Variants in ASTN2 observed in about 807,000 individuals in gnomAD.
The protein encoded by ASTN2 is astrotactin-2.
In ASTN2, 54 loss-of-function variants were observed where a neutral mutation model predicts 139.8. That is an observed-to-expected ratio of 0.39 (90% CI 0.31 to 0.48). The LOEUF (loss-of-function observed/expected upper bound fraction) is 0.48. ASTN2 is among the 20% of genes least tolerant of loss of function. The pLI is 0.95. For synonymous variants in ASTN2, 756 were observed against 719.5 expected (o/e 1.05, Z -0.81); for missense variants, 1,565 against 1,725.1 (o/e 0.91, Z 1.64).
At chr9:117,182,960 C>T (rs7848894) in intron 3 of ASTN2, among the ~76,000 whole-genome samples, 151,649 of 152,310 alleles carry the variant, frequency 1, 75,500 homozygotes, top group Middle Eastern at 1. Flanking sequence ...AAAAATAAAA[C>T]AGAACTTTTA....
intron 1 of ASTN2, among the ~76,000 whole-genome samples, chr9:117,321,300 C>A (rs1828315392): frequency 1.3e-5 from 2 of 152,182 alleles, no homozygotes; most frequent in African/African-American, 2.4e-5. Context: ...AGATACTCAA[C>A]AAAATATTTT....
At chr9:116,755,900 T>G (rs1829519738) in intron 13 of ASTN2, among the ~76,000 whole-genome samples, 1 of 152,212 alleles carries the variant, frequency 6.6e-6, no homozygotes, top group East Asian at 1.9e-4. Flanking sequence ...CAAGGAATGC[T>G]GACAGCTGAG....
intron 20 of ASTN2, among the ~76,000 whole-genome samples, chr9:116,450,510 C>G (rs1848141729): frequency 6.6e-6 from 1 of 152,160 alleles, no homozygotes; most frequent in Non-Finnish European, 1.5e-5. Context: ...CGTTGAAGAC[C>G]TAGACTCCAG....
chr9:116,999,085 T>TGAATGTAATGGTGAACATGACTG (rs1837106668), intron 7 of ASTN2, among the ~76,000 whole-genome samples: 1 of 152,192 alleles, frequency 6.6e-6, no homozygotes. Flanking sequence ...GGAAATAAAC[T>TGAATGTAATGGTGAACATGACTG]GAATGTAATG....
At chr9:116,620,561 C>T (rs143502681) in intron 17 of ASTN2, 118 bp from the exon 18 acceptor site, 22 of 1,271,520 alleles carry the variant, frequency 1.7e-5, no homozygotes, top group Middle Eastern at 1.9e-4. Flanking sequence ...CCTTTAAGCA[C>T]AAGACACCAT....
intron 10 of ASTN2, among the ~76,000 whole-genome samples, chr9:116,897,716 TA>T (rs567239848): frequency 0.017 from 2,445 of 144,240 alleles, 20 homozygotes; most frequent in Non-Finnish European, 0.02. Context: ...TTGCTGAGAG[TA>T]AAAAAAAAAA....
Position 117,067,409 on chromosome 9 carries a change from G to A in ASTN2, c.1277-27444C>T, listed in dbSNP as rs879938407. On this transcript the variant is annotated intron_variant, in intron 5 of 22. Transcript: ENST00000313400. ...GTACCATGCTGTTTTGGTTACTGTA[G>A]CCTTGTAGTATAGTTTGAAGTCAGG... Among the ~76,000 whole-genome samples, 871 of 118,848 alleles carry A rather than the reference G, an allele frequency of 7.3e-3. 5 individuals carry two copies. Among genetic ancestry groups the A allele is most frequent in the African/African-American group, 0.013 (436 of 34,310 alleles). 78.0% of individuals were successfully genotyped at this position (118,848 alleles called of 152,430 possible).
chr9:117,004,038 A>T (rs1022090329), intron 7 of ASTN2, among the ~76,000 whole-genome samples: 6 of 151,934 alleles, frequency 3.9e-5, no homozygotes, highest in African/African-American at 1.4e-4. Flanking sequence ...TCTTGATTAA[A>T]AAAAAGAAGC....
intron 5 of ASTN2, among the ~76,000 whole-genome samples, chr9:117,053,104 A>C (rs1838960302): frequency 6.6e-6 from 1 of 152,236 alleles, no homozygotes; most frequent in South Asian, 2.1e-4. Flanking sequence ...ACCAAGCCTC[A>C]AAACCTAGGC....
chr9:117,106,146 C>T (rs1480724505), intron 4 of ASTN2, among the ~76,000 whole-genome samples: 2 of 152,178 alleles, frequency 1.3e-5, no homozygotes, highest in Non-Finnish European at 2.9e-5. Flanking sequence ...TGTTAGCTTC[C>T]CTTTATGATG....
At chr9:116,871,408 T>A (rs186481034) in intron 10 of ASTN2, among the ~76,000 whole-genome samples, 1 of 152,230 alleles carries the variant, frequency 6.6e-6, no homozygotes, top group African/African-American at 2.4e-5. Context: ...AAGTGATCAA[T>A]ATTTAAATAT....
At chr9:116,687,186 C>T (rs1470846128) in intron 16 of ASTN2, 5 of 1,042,826 alleles carry the variant, frequency 4.8e-6, no homozygotes, top group African/African-American at 1.7e-5. Flanking sequence ...AAGCTCACCC[C>T]TGCAGGGCCG....
At chr9:117,284,098 G>A (rs1834390011) in intron 2 of ASTN2, among the ~76,000 whole-genome samples, 1 of 152,084 alleles carries the variant, frequency 6.6e-6, no homozygotes, top group African/African-American at 2.4e-5. Flanking sequence ...TGAAGACAGG[G>A]TATTTATAAA....
At chr9:117,387,552 C>T (rs7873851) in intron 1 of ASTN2, among the ~76,000 whole-genome samples, 112,834 of 152,006 alleles carry the variant, frequency 0.74, 42,107 homozygotes, top group East Asian at 0.84. Flanking sequence ...TAGAAACAGC[C>T]TGTGCAAAGG....
At chr9:116,635,957 A>G (rs1021195418) in intron 17 of ASTN2, among the ~76,000 whole-genome samples, 2 of 152,238 alleles carry the variant, frequency 1.3e-5, no homozygotes, top group African/African-American at 2.4e-5. Flanking sequence ...TCAAAGAAAG[A>G]TGAAGTGGAA....
chr9:116,635,718 C>G (rs975498013), intron 17 of ASTN2, among the ~76,000 whole-genome samples: 8 of 152,168 alleles, frequency 5.3e-5, no homozygotes, highest in African/African-American at 1.7e-4. Context: ...TCTGAAAAAG[C>G]TCCAGGTTGG....
rs918521816 is a variant in ASTN2 at position 116,437,703 on chromosome 9, T to C, written c.3782+2906A>G. 2.9e-5 allele frequency: 12 copies of C among 420,806 alleles called. No individual in the cohort carries two copies. The Middle Eastern group carries it at 4.0e-3, about 140-fold the overall frequency. 26.1% of individuals were successfully genotyped at this position (420,806 alleles called of 1,614,324 possible). A position where few individuals can be genotyped will look rare whatever the true frequency, so the allele number is the denominator to read the frequency against. On this transcript the variant is annotated intron_variant, in intron 22 of 22. Transcript: ENST00000313400. ...TGCCTTCCTCTGTCCACAGGCAAGA[T>C]GGCAGCTGAGATGACTCACACAGCG...
At chr9:116,693,252 A>G (rs1860665195) in intron 16 of ASTN2, among the ~76,000 whole-genome samples, 1 of 152,186 alleles carries the variant, frequency 6.6e-6, no homozygotes, top group Non-Finnish European at 1.5e-5. Flanking sequence ...CTAAGAAAAC[A>G]GGTTTAGACA....
At chr9:116,999,801 C>T (rs954294247) in intron 7 of ASTN2, among the ~76,000 whole-genome samples, 3 of 151,996 alleles carry the variant, frequency 2.0e-5, no homozygotes, top group African/African-American at 7.3e-5. Context: ...CTCAAGTGAT[C>T]CACCTGCCTT....
Sources: allele counts gnomAD v4.1 joint callset (sites outside exome capture counted in the v4.1 genomes callset), GRCh38; gene constraint gnomAD v4.1.1; transcripts MANE v1.5; gene names NCBI Gene and HGNC (gene_info 2026-07-23, HGNC 2026-07-21).